CHD1: variants seen among roughly 807,000 people sequenced by gnomAD.
CHD1 encodes chromodomain helicase DNA binding protein 1, also known as ATP-dependent chromatin remodeler CHD1.
CHD1 carries 36 observed loss-of-function variants against 224.2 expected under a neutral mutation model. The observed-to-expected ratio is 0.16, with a 90% confidence interval of 0.12 to 0.21. CHD1 has a LOEUF of 0.21. CHD1 is among the 10% of genes least tolerant of loss of function. CHD1 has a pLI of 1.00. For synonymous variants in CHD1, 668 were observed against 658.3 expected (o/e 1.01, Z -0.23); for missense variants, 1,378 against 1,994.8 (o/e 0.69, Z 5.89).
chr5:98,866,250 A>T (rs1748858876), intron 31 of CHD1, among the ~76,000 whole-genome samples: 1 of 152,228 alleles, frequency 6.6e-6, no homozygotes, highest in Non-Finnish European at 1.5e-5. Flanking sequence ...AATAAAATGG[A>T]AGATAGGAGC....
Position 98,900,935 on chromosome 5 carries a change from A to C in CHD1, c.735T>G (p.Asp245Glu). The change falls in exon 7 of 36, where the codon GAT becomes GAG. Residue 245 changes from aspartate (D) to glutamate (E), a missense_variant. By Grantham distance (45) the Asp-to-Glu change is conservative. This residue lies in a region of CHD1 where 306 missense variants were observed against 298.1 expected (regional missense o/e 1.03). Transcript: ENST00000614616. ...CATCAGAATCTGTTTTCATTTCTTCATCCTCCTTATAGCTAACATTAACAG... is the reference window on the plus strand; with the variant it reads ...CATCAGAATCTGTTTTCATTTCTTCCTCCTCCTTATAGCTAACATTAACAG... Reference protein sequence around the residue: ...QATVNVSYKEDEEMKTDSDDL... With the variant: ...QATVNVSYKEEEEMKTDSDDL... 1.2e-6 allele frequency: 2 copies of C among 1,613,984 alleles called. No homozygotes were observed. Among genetic ancestry groups the C allele is most frequent in the Non-Finnish European group, 1.7e-6 (2 of 1,179,986 alleles).
intron 28 of CHD1, among the ~76,000 whole-genome samples, chr5:98,871,486 A>AT (rs1394535765): frequency 6.6e-6 from 1 of 150,840 alleles, no homozygotes; most frequent in Non-Finnish European, 1.5e-5. Flanking sequence ...GATTTTAAGG[A>AT]TTTTGTCTTA....
At position 98,855,238 on chromosome 5, in the gene CHD1, G is replaced by T. The variant is rs1274243491; in HGVS notation, c.*1142C>A. The T allele has an allele frequency of 1.3e-5, 2 of 152,366 alleles. No homozygotes were observed. The highest frequency in any genetic ancestry group is 1.9e-4 in the East Asian group (1 of 5,194). 9.4% of individuals were successfully genotyped at this position (152,366 alleles called of 1,614,324 possible). ...TTAAATTTAATTTGTCATATATAAC[G>T]TTTTTATATACAATCAGTGTGCATT... is the stretch of plus-strand genomic sequence containing the variant. On this transcript the variant is annotated 3_prime_UTR_variant, in exon 36 of 36. Coordinates refer to ENST00000614616, the MANE Select transcript of CHD1 (RefSeq NM_001270.4).
At chr5:98,862,172 C>A (rs943452536) in intron 32 of CHD1, among the ~76,000 whole-genome samples, 2 of 152,058 alleles carry the variant, frequency 1.3e-5, no homozygotes, top group Non-Finnish European at 2.9e-5. Flanking sequence ...ATAAATAAAT[C>A]AAAATAAAAT....
intron 5 of CHD1, among the ~76,000 whole-genome samples, chr5:98,902,256 T>C (rs1263045348): frequency 1.3e-5 from 2 of 152,070 alleles, no homozygotes; most frequent in South Asian, 2.1e-4. Flanking sequence ...GAATAAAAGA[T>C]AGAACAGACT....
chr5:98,892,119 T>C (rs1751059100), intron 15 of CHD1, among the ~76,000 whole-genome samples: 2 of 152,224 alleles, frequency 1.3e-5, no homozygotes, highest in South Asian at 4.1e-4. Flanking sequence ...ATACAAAATT[T>C]ATACCAGCTA....
intron 34 of CHD1, 185 bp from the exon 35 acceptor site, chr5:98,858,575 C>T: frequency 1.9e-6 from 1 of 539,136 alleles, no homozygotes; most frequent in South Asian, 2.9e-5. Flanking sequence ...AAAAAGGTTG[C>T]TTGATTCTGA....
chr5:98,873,838 ATTC>A (rs2112335794), intron 25 of CHD1, 115 bp from the exon 26 acceptor site: 1 of 845,950 alleles, frequency 1.2e-6, no homozygotes, highest in East Asian at 2.9e-5. Context: ...TGCTCTATAT[ATTC>A]TTGTTCACAT....
chr5:98,913,985 A>AC (rs1561542830), intron 2 of CHD1, among the ~76,000 whole-genome samples: 4 of 152,192 alleles, frequency 2.6e-5, no homozygotes, highest in African/African-American at 9.6e-5. Context: ...CTATCCACCC[A>AC]GTATCTATTT....
chr5:98,898,360 A>C lies in CHD1; in HGVS notation c.1261T>G (p.Cys421Gly). The C allele has an allele frequency of 6.2e-7, 1 of 1,602,822 alleles. No individual in the cohort carries two copies. Among genetic ancestry groups the C allele is most frequent in the Non-Finnish European group, 8.5e-7 (1 of 1,175,134 alleles). ...ATGAGAGCTCCATCTTCCCAGCTGC[A>C]CTCTGAGTATGGAAGGCCCTGCCAT... ...CKWQGLPYSE[C>G]SWEDGALISK... Residue 421 changes from cysteine (C) to glycine (G), a missense_variant, in exon 10 of 36, where the codon TGC becomes GGC. Around this residue, in one of 16 missense-constraint regions of CHD1, gnomAD observed 86 missense variants for 97.7 expected, o/e 0.88. Coordinates refer to ENST00000614616, the MANE Select transcript of CHD1 (RefSeq NM_001270.4).
chr5:98,920,997 A>G (rs905219082), intron 2 of CHD1, among the ~76,000 whole-genome samples: 5 of 152,214 alleles, frequency 3.3e-5, no homozygotes, highest in Admixed American at 3.3e-4. Context: ...AGAGGGAGTT[A>G]ATGGAAAAAT....
At chr5:98,860,926 T>A (rs1420136774) in intron 32 of CHD1, among the ~76,000 whole-genome samples, 2 of 152,202 alleles carry the variant, frequency 1.3e-5, no homozygotes. Flanking sequence ...CATATCTACA[T>A]TCTACGATTA....
At chr5:98,895,653 T>C (rs898219812) in intron 12 of CHD1, among the ~76,000 whole-genome samples, 1 of 149,974 alleles carries the variant, frequency 6.7e-6, no homozygotes, top group Non-Finnish European at 1.5e-5. Flanking sequence ...CTTGGAAGGG[T>C]GAGGCAGAAG....
intron 3 of CHD1, 141 bp downstream of exon 3, chr5:98,904,756 T>TGTGA: frequency 1.3e-6 from 1 of 741,566 alleles, no homozygotes; most frequent in Non-Finnish European, 2.2e-6. Context: ...CCACCATGAA[T>TGTGA]GTGAGAATCA....
chr5:98,864,302 CAG>C (rs1432402089), intron 31 of CHD1, among the ~76,000 whole-genome samples: 1 of 151,932 alleles, frequency 6.6e-6, no homozygotes, highest in East Asian at 1.9e-4. Context: ...ATCATATTCA[CAG>C]AAAGCAAGCT....
At chr5:98,886,387 T>G (rs949769925) in intron 17 of CHD1, among the ~76,000 whole-genome samples, 4 of 152,192 alleles carry the variant, frequency 2.6e-5, no homozygotes, top group Admixed American at 2.6e-4. Context: ...TCATAGACTA[T>G]AGAGAACTCA....
intron 30 of CHD1, 132 bp downstream of exon 30, chr5:98,869,622 G>GAACA: frequency 2.8e-6 from 2 of 717,456 alleles, no homozygotes; most frequent in Admixed American, 5.8e-5. Context: ...ACGTGCGCGC[G>GAACA]CACACACACA....
intron 33 of CHD1, 84 bp downstream of exon 33, chr5:98,859,884 GTATT>G (rs960986966): frequency 1.2e-5 from 8 of 653,856 alleles, no homozygotes; most frequent in Non-Finnish European, 2.1e-5. Flanking sequence ...TATTCATTCT[GTATT>G]TATTAATCAA....
chr5:98,902,834 A>G (rs1751807915), intron 5 of CHD1, 66 bp downstream of exon 5: 2 of 1,030,080 alleles, frequency 1.9e-6, no homozygotes, highest in African/African-American at 1.6e-5. Flanking sequence ...ATTTTCATAA[A>G]GAAAGAAATA....
Sources: allele counts gnomAD v4.1 joint callset (sites outside exome capture counted in the v4.1 genomes callset), GRCh38; gene constraint gnomAD v4.1.1; regional missense constraint gnomAD v4.1.1; transcripts MANE v1.5; gene names NCBI Gene and HGNC (gene_info 2026-07-23, HGNC 2026-07-21).